Variants in JAKMIP1 observed in about 807,000 individuals in gnomAD.
JAKMIP1 encodes janus kinase and microtubule interacting protein 1, also known as janus kinase and microtubule-interacting protein 1.
Under a neutral mutation model 113.0 loss-of-function variants are expected in JAKMIP1, and 33 were observed. The ratio of observed to expected loss-of-function variants is 0.29; its 90% CI spans 0.22 to 0.39. JAKMIP1 has a LOEUF of 0.39. Ranked by LOEUF, JAKMIP1 falls within the 10% of genes least tolerant of loss-of-function variation. The pLI, the probability that JAKMIP1 is intolerant of heterozygous loss-of-function variation, is 1.00. For synonymous variants in JAKMIP1, 480 were observed against 459.9 expected (o/e 1.04, Z -0.56); for missense variants, 813 against 1,080.5 (o/e 0.75, Z 3.47).
In JAKMIP1 at chr4:6,184,689, A is replaced by G. The variant is rs1726442811; in HGVS notation, c.-148+15564T>C. Among the ~76,000 whole-genome samples the G allele has an allele frequency of 6.6e-6, 1 of 152,168 alleles. No individual in the cohort carries two copies. The highest frequency in any genetic ancestry group is 2.4e-5 in the African/African-American group (1 of 41,436). On this transcript the variant is annotated intron_variant, in intron 1 of 20. Coordinates refer to ENST00000409021, the MANE Select transcript of JAKMIP1 (RefSeq NM_001099433.2). The surrounding 1 kb of genome is among the most constrained non-coding windows in gnomAD (Gnocchi z 4.5). ...GAAGGGAAGCAACCAATTGTCAACT[A>G]TTTTAGAAACAGCCAAACAGAATGC... is the stretch of plus-strand genomic sequence containing the variant.
At chr4:6,096,909 T>C (rs976295244) in intron 3 of JAKMIP1, among the ~76,000 whole-genome samples, 4 of 152,250 alleles carry the variant, frequency 2.6e-5, no homozygotes, top group Admixed American at 6.5e-5. Flanking sequence ...AAAGTCTGTG[T>C]ACATTGAAAC....
chr4:6,054,661 G>A (rs374151846), intron 12 of JAKMIP1: 8 of 448,084 alleles, frequency 1.8e-5, no homozygotes, highest in Admixed American at 4.8e-5. Context: ...CTCTGAGAGC[G>A]CAGATCAGTG....
chr4:6,087,101 C>T (rs530942951), intron 3 of JAKMIP1, among the ~76,000 whole-genome samples: 3 of 152,232 alleles, frequency 2.0e-5, no homozygotes, highest in Non-Finnish European at 4.4e-5. Flanking sequence ...TCCTCCTGCT[C>T]AGCTCACTCA....
At chr4:6,127,639 C>G (rs1156302235) in intron 1 of JAKMIP1, among the ~76,000 whole-genome samples, 1 of 152,168 alleles carries the variant, frequency 6.6e-6, no homozygotes, top group Admixed American at 6.5e-5. Context: ...TGAAGGAACA[C>G]AAGGCCAGGG....
At chr4:6,028,268 G>T (rs1170109668) in intron 20 of JAKMIP1, among the ~76,000 whole-genome samples, 2 of 152,256 alleles carry the variant, frequency 1.3e-5, no homozygotes, top group African/African-American at 4.8e-5. Flanking sequence ...AGGCTGGTAG[G>T]CGTGGGCATC....
chr4:6,026,406 G>T (rs759567160), intron 20 of JAKMIP1, 128 bp from the exon 21 acceptor site: 2 of 628,420 alleles, frequency 3.2e-6, no homozygotes, highest in Non-Finnish European at 5.7e-6. Flanking sequence ...TGTTGGGTTC[G>T]GAAAGAGAAA....
chr4:6,060,565 G>A (rs997817322), intron 10 of JAKMIP1, 58 bp from the exon 11 acceptor site: 43 of 1,310,526 alleles, frequency 3.3e-5, no homozygotes, highest in Middle Eastern at 1.8e-4. Flanking sequence ...ACAGGGAAGC[G>A]GAAAGCGTCA....
At chr4:6,163,820 T>C (rs1358708724) in intron 1 of JAKMIP1, among the ~76,000 whole-genome samples, 1 of 152,176 alleles carries the variant, frequency 6.6e-6, no homozygotes, top group East Asian at 1.9e-4. Context: ...GTGGTCAGGG[T>C]AGAAGATCAA....
Position 6,141,708 on chromosome 4 carries a change from T to C in JAKMIP1, c.-147-28711A>G, listed in dbSNP as rs941547409. ...GGTCCACAGAAGCCAGGTGGAGAAA[T>C]GCAAGAGCTATTTCTGCACCAAATG... On this transcript the variant is annotated intron_variant, in intron 1 of 20. Coordinates refer to ENST00000409021, the MANE Select transcript of JAKMIP1 (RefSeq NM_001099433.2). The surrounding 1 kb of genome is among the most constrained non-coding windows in gnomAD (Gnocchi z 9.4). Among the ~76,000 whole-genome samples the C allele has an allele frequency of 6.6e-6, 1 of 152,174 alleles. No homozygotes were observed. The highest frequency in any genetic ancestry group is 1.5e-5 in the Non-Finnish European group (1 of 68,038).
In JAKMIP1 at chr4:6,065,675, C is replaced by A. The variant is rs541792041; in HGVS notation, c.1303-667G>T. 3.3e-5 allele frequency among the ~76,000 whole-genome samples: 5 copies of A among 152,316 alleles called. No homozygotes were observed. The highest frequency in any genetic ancestry group is 9.6e-5 in the African/African-American group (4 of 41,562). ...GAATGAGAAGGAATCATGTAATAGA[C>A]CTTCACACGACCATCACTCAGATCC... On this transcript the variant is annotated intron_variant, in intron 8 of 20. Transcript: ENST00000409021. The surrounding 1 kb of genome is among the most constrained non-coding windows in gnomAD (Gnocchi z 5.1).
At position 6,154,092 on chromosome 4, in the gene JAKMIP1, G is replaced by A. The variant is rs1721941163; in HGVS notation, c.-147-41095C>T. ...GACCATGCCTGGCTGACTGCATCCT[G>A]CTGCCTATGGTGAGAAGGCACAGGC... On this transcript the variant is annotated intron_variant, in intron 1 of 20. Transcript: ENST00000409021. The surrounding 1 kb of genome is among the most constrained non-coding windows in gnomAD (Gnocchi z 4.2). Among the ~76,000 whole-genome samples, 1 of 152,160 alleles carries A rather than the reference G, an allele frequency of 6.6e-6. No individual in the cohort carries two copies.
At chr4:6,057,450 T>C (rs1006283626) in intron 11 of JAKMIP1, among the ~76,000 whole-genome samples, 2 of 152,124 alleles carry the variant, frequency 1.3e-5, no homozygotes, top group African/African-American at 4.8e-5. Flanking sequence ...TCTAGGATGC[T>C]GAGAAGCAGA....
chr4:6,072,387 GC>G (rs1384615644), intron 8 of JAKMIP1, among the ~76,000 whole-genome samples: 5 of 152,208 alleles, frequency 3.3e-5, no homozygotes, highest in Admixed American at 3.3e-4. Flanking sequence ...CACTCAGCTG[GC>G]GAGGCTGGGA....
rs180774066 is a variant in JAKMIP1 at position 6,141,161 on chromosome 4, C to A, written c.-147-28164G>T. On this transcript the variant is annotated intron_variant, in intron 1 of 20. Coordinates refer to ENST00000409021, the MANE Select transcript of JAKMIP1 (RefSeq NM_001099433.2). This position sits in a 1 kb window ranked among gnomAD's most constrained non-coding sequence, Gnocchi z 9.4. ...ATTTAAAGTGGTAGACGAGGCCGGG[C>A]GCAGTGGCTCATGCCTGTAATCCCA... Among the ~76,000 whole-genome samples, 1 of 152,302 alleles carries A rather than the reference C, an allele frequency of 6.6e-6. No individual in the cohort carries two copies. Among genetic ancestry groups the A allele is most frequent in the East Asian group, 1.9e-4 (1 of 5,176 alleles).
chr4:6,038,654 A>C (rs1213309424), intron 18 of JAKMIP1, among the ~76,000 whole-genome samples: 3 of 152,200 alleles, frequency 2.0e-5, no homozygotes, highest in Non-Finnish European at 4.4e-5. Context: ...GATTTTAACC[A>C]ACAAACATGA....
intron 19 of JAKMIP1, among the ~76,000 whole-genome samples, chr4:6,035,563 T>C (rs1713306532): frequency 6.6e-6 from 1 of 151,980 alleles, no homozygotes; most frequent in South Asian, 2.1e-4. Flanking sequence ...TCACAAAAGG[T>C]AGCAAAAAAG....
chr4:6,114,572 C>T (rs1380176983), intron 1 of JAKMIP1, among the ~76,000 whole-genome samples: 1 of 152,210 alleles, frequency 6.6e-6, no homozygotes, highest in Admixed American at 6.5e-5. Context: ...TCCCTCCAAG[C>T]TACAAAATCT....
chr4:6,058,382 A>G (rs1716782493), intron 11 of JAKMIP1, among the ~76,000 whole-genome samples: 1 of 152,270 alleles, frequency 6.6e-6, no homozygotes, highest in Non-Finnish European at 1.5e-5. Context: ...ATATAAGGGA[A>G]TAAGTACATT....
rs572797511 is a variant in JAKMIP1 at position 6,179,218 on chromosome 4, G to A, written c.-148+21035C>T. Among the ~76,000 whole-genome samples, 1 of 152,260 alleles carries A rather than the reference G, an allele frequency of 6.6e-6. No homozygotes were observed. Among genetic ancestry groups the A allele is most frequent in the East Asian group, 1.9e-4 (1 of 5,180 alleles). ...GGCAGCCCTATGTGGCTGGAGAGAG[G>A]GTGAGATTCTCATCTCAAAGCCCCA... On this transcript the variant is annotated intron_variant, in intron 1 of 20. Transcript: ENST00000409021. The surrounding 1 kb of genome is among the most constrained non-coding windows in gnomAD (Gnocchi z 4.5).
Sources: gnomAD v4.1 joint callset for allele counts (sites outside exome capture counted in the v4.1 genomes callset) on GRCh38, gnomAD v4.1.1 for gene constraint, Gnocchi (gnomAD v3.1) non-coding constraint, MANE v1.5 for transcripts, NCBI Gene and HGNC (gene_info 2026-07-23, HGNC 2026-07-21) for gene names.